The following PLEKHA1 variants were observed in gnomAD, a reference collection of about 807,000 sequenced individuals.
PLEKHA1 encodes pleckstrin homology domain-containing family A member 1.
A neutral mutation model predicts 52.0 loss-of-function variants in PLEKHA1; 34 were observed. The ratio of observed to expected loss-of-function variants is 0.65; its 90% CI spans 0.50 to 0.87. The LOEUF (loss-of-function observed/expected upper bound fraction) is 0.87. PLEKHA1 is among the 40% of genes least tolerant of loss of function. The pLI, the probability that PLEKHA1 is intolerant of heterozygous loss-of-function variation, is 0.00. For synonymous variants in PLEKHA1, 163 were observed against 170.7 expected (o/e 0.95, Z 0.35); for missense variants, 497 against 504.2 (o/e 0.99, Z 0.14).
intron 1 of PLEKHA1, among the ~76,000 whole-genome samples, chr10:122,381,476 C>A (rs539352239): frequency 6.6e-6 from 1 of 152,278 alleles, no homozygotes; most frequent in South Asian, 2.1e-4. Context: ...CTCCTGAGAT[C>A]TGGTTGTTTA....
Position 122,397,938 on chromosome 10 carries a change from A to G in PLEKHA1, c.162A>G (p.Ser54=). 6.2e-7 allele frequency: 1 copy of G among 1,608,472 alleles called. No individual in the cohort carries two copies. The highest frequency in any genetic ancestry group is 2.2e-5 in the East Asian group (1 of 44,722). ...DNPQNLPSGS[S]RVGAIKLTYI... ...TCTAGAACCTACCTTCTGGATCATC[A>G]CGTGTTGGAGCCATTAAGCTTACCT... Residue 54 remains serine, a synonymous_variant, in exon 3 of 12, where the codon TCA becomes TCG. Coordinates refer to ENST00000368990, the MANE Select transcript of PLEKHA1 (RefSeq NM_001001974.4).
intron 1 of PLEKHA1, among the ~76,000 whole-genome samples, chr10:122,384,503 G>T (rs2096660293): frequency 6.6e-6 from 1 of 151,698 alleles, no homozygotes; most frequent in Non-Finnish European, 1.5e-5. Flanking sequence ...AGCTGCTCGG[G>T]AGGCTGAGGC....
At position 122,394,070 on chromosome 10, in the gene PLEKHA1, T is replaced by G. The variant is rs572016679; in HGVS notation, c.141+729T>G. Among the ~76,000 whole-genome samples, 3 of 72,168 alleles carry G rather than the reference T, an allele frequency of 4.2e-5. No individual in the cohort carries two copies. In the East Asian group the frequency reaches 9.1e-4, roughly 22 times the overall value. 47.3% of individuals were successfully genotyped at this position (72,168 alleles called of 152,430 possible). A position where few individuals can be genotyped will look rare whatever the true frequency, so the allele number is the denominator to read the frequency against. ...GTTTTAAACTTTCAACTTTCTCTAC[T>G]TTTTTTTTTTTTTTTTTTTTTTTTT... On this transcript the variant is annotated intron_variant, in intron 2 of 11. Transcript: ENST00000368990.
intron 3 of PLEKHA1, among the ~76,000 whole-genome samples, chr10:122,399,651 C>A (rs1318003563): frequency 6.6e-6 from 1 of 152,036 alleles, no homozygotes; most frequent in Admixed American, 6.5e-5. Flanking sequence ...GGCGCGATCT[C>A]GGCTCACTGC....
intron 1 of PLEKHA1, among the ~76,000 whole-genome samples, chr10:122,380,591 G>A (rs1187957275): frequency 1.3e-5 from 2 of 152,130 alleles, no homozygotes; most frequent in Non-Finnish European, 2.9e-5. Context: ...GTATTGGGAT[G>A]GGGTAACAGG....
At chr10:122,398,566 T>A (rs12218910) in intron 3 of PLEKHA1, among the ~76,000 whole-genome samples, 132,380 of 151,734 alleles carry the variant, frequency 0.87, 57,810 homozygotes, top group Admixed American at 0.88. Context: ...GGGAACTAAG[T>A]GATGCTGAGG....
chr10:122,424,951 T>C lies in PLEKHA1; in HGVS notation c.802T>C (p.Tyr268His). The C allele has an allele frequency of 6.2e-7, 1 of 1,607,618 alleles. No individual in the cohort carries two copies. Residue 268 changes from tyrosine to histidine, a missense_variant, in exon 10 of 12, where the codon TAT becomes CAT. Transcript: ENST00000368990. ...AATTGTAACAACGTCTCGAACTTTCTATGTGCAGGTAAGATGCTTATTTGG... is the reference window on the plus strand; with the variant it reads ...AATTGTAACAACGTCTCGAACTTTCCATGTGCAGGTAAGATGCTTATTTGG... Reference protein sequence around the residue: ...FEIVTTSRTFYVQADSPEEMH... With the variant: ...FEIVTTSRTFHVQADSPEEMH...
chr10:122,441,659 G>A, the PLEKHA1 span: 32 of 152,138 alleles, frequency 2.1e-4, no homozygotes, highest in African/African-American at 7.0e-4. Context: ...AAGAGGCTGC[G>A]TGCATGAACC....
intron 1 of PLEKHA1, among the ~76,000 whole-genome samples, chr10:122,386,406 T>G (rs1565136143): frequency 6.6e-6 from 1 of 152,150 alleles, no homozygotes; most frequent in Non-Finnish European, 1.5e-5. Context: ...TGGATACATA[T>G]ATATTGAATA....
chr10:122,429,307 A>C (rs2097388879), intron 11 of PLEKHA1, among the ~76,000 whole-genome samples: 1 of 152,196 alleles, frequency 6.6e-6, no homozygotes, highest in African/African-American at 2.4e-5. Context: ...CAGCTGGAAC[A>C]CTGTATTTCA....
In PLEKHA1 at chr10:122,430,056, A is replaced by G; in HGVS notation, c.*118A>G. 4 of 1,096,664 alleles carry G rather than the reference A, an allele frequency of 3.6e-6. No individual in the cohort carries two copies. The South Asian group carries it at 6.8e-5, about 19-fold the overall frequency. The allele number at this position is 1,096,664 out of a possible 1,614,324, so 67.9% of individuals were successfully genotyped here. On this transcript the variant is annotated 3_prime_UTR_variant, in exon 12 of 12. Coordinates refer to ENST00000368990, the MANE Select transcript of PLEKHA1 (RefSeq NM_001001974.4). Reference sequence around the variant, plus strand: ...TAGTGCGTATATTATACTGCCTCTTAGGTGTACTCTTTATAAGCTGGTAAA... The same window carrying G: ...TAGTGCGTATATTATACTGCCTCTTGGGTGTACTCTTTATAAGCTGGTAAA...
rs756381341 is a variant in PLEKHA1, at chr10:122,424,910, G to A, written c.761G>A (p.Arg254Lys). The change falls in exon 10 of 12, where the codon AGG (arginine) becomes AAG (lysine). Residue 254 changes from arginine to lysine, a missense_variant. Transcript: ENST00000368990. ...QECKQSDIMM[R>K]DNLFEIVTTS... The stretch of plus-strand genomic sequence containing the variant: ...TTTTCATACAGCGACATAATGATGA[G>A]GGACAACCTCTTTGAAATTGTAACA... 3 of 1,610,024 alleles carry A rather than the reference G, an allele frequency of 1.9e-6. No homozygotes were observed. The highest frequency in any genetic ancestry group is 1.3e-5 in the African/African-American group (1 of 74,704).
intron 10 of PLEKHA1, 121 bp downstream of exon 10, chr10:122,425,080 C>A: frequency 1.2e-6 from 1 of 806,906 alleles, no homozygotes. Flanking sequence ...AACTGTAATT[C>A]ACCAGCTTAA....
At chr10:122,434,592 A>C (rs2097431498), downstream of PLEKHA1, 1 of 151,882 alleles carries the variant, frequency 6.6e-6, no homozygotes, top group African/African-American at 2.4e-5. Flanking sequence ...TTATTATTTA[A>C]GTTTTAGGGT....
At chr10:122,437,163 A>T (rs2097441549), downstream of PLEKHA1, 1 of 151,858 alleles carries the variant, frequency 6.6e-6, no homozygotes, top group South Asian at 2.1e-4. Context: ...CTTGGTTCGT[A>T]TTGTCACTCA....
chr10:122,426,086 G>T (rs1264755930), intron 10 of PLEKHA1, among the ~76,000 whole-genome samples: 2 of 152,042 alleles, frequency 1.3e-5, no homozygotes, highest in African/African-American at 4.8e-5. Context: ...GTGTTACTCT[G>T]TTCATGTGCA....
chr10:122,405,719 A>G (rs1189712830), intron 4 of PLEKHA1, among the ~76,000 whole-genome samples: 1 of 152,074 alleles, frequency 6.6e-6, no homozygotes, highest in East Asian at 1.9e-4. Flanking sequence ...CTCAAGGGCT[A>G]GAGAGACAAA....
chr10:122,381,531 C>T (rs751314267), intron 1 of PLEKHA1, among the ~76,000 whole-genome samples: 11 of 152,094 alleles, frequency 7.2e-5, no homozygotes, highest in Non-Finnish European at 1.5e-4. Context: ...CCTGCTCCTG[C>T]GATGTAAGAG....
intron 8 of PLEKHA1, 28 bp from the exon 9 acceptor site, chr10:122,424,171 G>GTTTTTTT (rs34058512): frequency 7.0e-5 from 67 of 955,766 alleles, no homozygotes; most frequent in South Asian, 2.9e-4. Context: ...TCATGTAACT[G>GTTTTTTT]TTTTTTTTTT....
Sources: allele counts gnomAD v4.1 joint callset (sites outside exome capture counted in the v4.1 genomes callset), GRCh38; gene constraint gnomAD v4.1.1; transcripts MANE v1.5; gene names NCBI Gene and HGNC (gene_info 2026-07-23, HGNC 2026-07-21).